Variants in COMMD1 observed in about 807,000 individuals in gnomAD.
The protein encoded by COMMD1 is copper metabolism domain containing 1.
In COMMD1, 10 loss-of-function variants were observed where a neutral mutation model predicts 17.2. That is an observed-to-expected ratio of 0.58 (90% CI 0.36 to 0.99). The LOEUF (loss-of-function observed/expected upper bound fraction) is 0.99. Among genes scored for constraint, COMMD1 ranks in the 50% least tolerant of loss-of-function variants. COMMD1 has a pLI of 0.01. For synonymous variants in COMMD1, 97 were observed against 91.6 expected, an observed-to-expected ratio of 1.06 and a Z score of -0.34; for missense variants, 270 against 231.8, an observed-to-expected ratio of 1.17 and a Z score of -1.07.
chr2:61,949,903 A>G (rs1201685657), intron 1 of COMMD1, among the ~76,000 whole-genome samples: 2 of 152,344 alleles, frequency 1.3e-5, no homozygotes, highest in Middle Eastern at 3.4e-3. Context: ...CTGCCTGCAG[A>G]CATAGACCCA....
intron 1 of COMMD1, among the ~76,000 whole-genome samples, chr2:61,949,410 CAAAG>C (rs1213602515): frequency 6.6e-6 from 1 of 152,110 alleles, no homozygotes; most frequent in Non-Finnish European, 1.5e-5. Context: ...TCCTTCCAAA[CAAAG>C]AAGCCTTAGA....
chr2:62,027,161 A>G (rs757556923), intron 2 of COMMD1, among the ~76,000 whole-genome samples: 4 of 152,154 alleles, frequency 2.6e-5, no homozygotes, highest in African/African-American at 7.2e-5. Context: ...ATAGTGTAGC[A>G]GTTTCTTTCT....
intron 1 of COMMD1, among the ~76,000 whole-genome samples, chr2:61,944,930 TG>T (rs1670868214): frequency 1.3e-5 from 2 of 152,172 alleles, no homozygotes; most frequent in African/African-American, 4.8e-5. Context: ...ACCACGTGCA[TG>T]GTTTTGTTTT....
At chr2:61,890,880 A>G (rs1249702510) in intron 1 of COMMD1, among the ~76,000 whole-genome samples, 2 of 152,048 alleles carry the variant, frequency 1.3e-5, no homozygotes, top group Non-Finnish European at 2.9e-5. Context: ...ATGAAGATCC[A>G]TAAACCTCTG....
In COMMD1 at chr2:62,025,298, G is replaced by A. The variant is rs1353424723; in HGVS notation, c.462+24316G>A. Reference sequence around the variant, plus strand: ...CCCAGTGCTTTGGGAGGTTGAGGCAGGAGGATCATGTTAGGCCAGGAGTTC... The same window carrying A: ...CCCAGTGCTTTGGGAGGTTGAGGCAAGAGGATCATGTTAGGCCAGGAGTTC... On this transcript the variant is annotated intron_variant, in intron 2 of 2. Transcript: ENST00000311832. Among the ~76,000 whole-genome samples, 4 of 151,846 alleles carry A rather than the reference G, an allele frequency of 2.6e-5. No homozygotes were observed. In the East Asian group the frequency reaches 7.7e-4, roughly 29 times the overall value.
Position 61,905,704 on chromosome 2 carries a change from G to A in COMMD1, c.26G>A (p.Gly9Asp), listed in dbSNP as rs1185248009. 6.3e-7 allele frequency: 1 copy of A among 1,587,330 alleles called. No individual in the cohort carries two copies. Among genetic ancestry groups the A allele is most frequent in the Non-Finnish European group, 8.6e-7 (1 of 1,165,416 alleles). The stretch of plus-strand genomic sequence containing the variant: ...ATGGCGGCGGGCGAGCTTGAGGGTG[G>A]CAAACCCCTGAGCGGGCTGCTGAAT... MAAGELEG[G>D]KPLSGLLNAL... is the part of the protein sequence containing the mutation. Residue 9 changes from glycine (G) to aspartate (D), a missense_variant, in exon 1 of 3, where the codon GGC becomes GAC. Gly to Asp is a moderately conservative substitution (Grantham distance 94). Transcript: ENST00000311832.
intron 2 of COMMD1, among the ~76,000 whole-genome samples, chr2:62,024,571 C>G (rs577369439): frequency 6.6e-6 from 1 of 152,040 alleles, no homozygotes; most frequent in African/African-American, 2.4e-5. Flanking sequence ...CTCCAAATAT[C>G]TTTTTTGGGG....
At chr2:61,912,217 A>C (rs894208207) in intron 1 of COMMD1, among the ~76,000 whole-genome samples, 17 of 152,112 alleles carry the variant, frequency 1.1e-4, no homozygotes, top group Non-Finnish European at 1.6e-4. Context: ...CCTTATACCT[A>C]ATATTGTGTC....
chr2:62,052,959 C>G lies in COMMD1; in HGVS notation c.462+51977C>G, dbSNP rs149173623. Among the ~76,000 whole-genome samples the G allele has an allele frequency of 8.5e-3, 1,289 of 152,256 alleles. 22 individuals carry two copies. Among genetic ancestry groups the G allele is most frequent in the African/African-American group, 0.029 (1,224 of 41,546 alleles). The stretch of plus-strand genomic sequence containing the variant: ...TGGCATGCACCTGTAGTCCCAGCTA[C>G]TCGGGAGGCTGAAGTGGGAAGATCA... On this transcript the variant is annotated intron_variant, in intron 2 of 2. Coordinates refer to ENST00000311832, the MANE Select transcript of COMMD1 (RefSeq NM_152516.4).
At chr2:62,089,290 T>C (rs1331750537) in intron 2 of COMMD1, among the ~76,000 whole-genome samples, 1 of 149,754 alleles carries the variant, frequency 6.7e-6, no homozygotes, top group Non-Finnish European at 1.5e-5. Flanking sequence ...CTTTTTTTTT[T>C]TTTTTTCTTT....
intron 1 of COMMD1, among the ~76,000 whole-genome samples, chr2:61,954,751 G>T (rs1403330947): frequency 2.0e-5 from 3 of 151,560 alleles, no homozygotes; most frequent in Non-Finnish European, 4.4e-5. Context: ...GCACGATCTT[G>T]GCTCATTGCA....
intron 2 of COMMD1, among the ~76,000 whole-genome samples, chr2:62,092,900 G>A (rs1054824524): frequency 6.6e-6 from 1 of 152,186 alleles, no homozygotes; most frequent in Non-Finnish European, 1.5e-5. Context: ...GCCAAGGGAG[G>A]TTAAAAGCCT....
At chr2:62,008,579 C>T (rs899428983) in intron 2 of COMMD1, among the ~76,000 whole-genome samples, 2 of 152,108 alleles carry the variant, frequency 1.3e-5, no homozygotes, top group Admixed American at 1.3e-4. Flanking sequence ...AGCTGTAATG[C>T]AAGCAATACA....
chr2:62,119,000 G>A (rs1165136440), intron 2 of COMMD1: 1 of 151,830 alleles, frequency 6.6e-6, no homozygotes, highest in African/African-American at 2.4e-5. Flanking sequence ...AAATTCATAT[G>A]TTGAAATTCC....
chr2:61,894,120 G>C (rs937041324), intron 1 of COMMD1, among the ~76,000 whole-genome samples: 6 of 152,134 alleles, frequency 3.9e-5, no homozygotes, highest in Non-Finnish European at 5.9e-5. Context: ...ATTTTTTTGA[G>C]ATGGAGTCTT....
chr2:61,955,312 TTCTCTCTC>T (rs70946770), intron 1 of COMMD1, among the ~76,000 whole-genome samples: 5 of 145,382 alleles, frequency 3.4e-5, no homozygotes, highest in East Asian at 2.1e-4. Context: ...CTCTCTCTCT[TTCTCTCTC>T]TCTCTCTCTC....
chr2:62,053,771 G>C (rs1458128750), intron 2 of COMMD1, among the ~76,000 whole-genome samples: 1 of 152,140 alleles, frequency 6.6e-6, no homozygotes, highest in Non-Finnish European at 1.5e-5. Context: ...GTTGGTATAG[G>C]TACATGGAGT....
chr2:61,944,324 C>CTGGGT, intron 1 of COMMD1, among the ~76,000 whole-genome samples: 2 of 152,004 alleles, frequency 1.3e-5, no homozygotes, highest in South Asian at 4.1e-4. Flanking sequence ...TGGTGGCACA[C>CTGGGT]ATCTGTAGTC....
At chr2:61,995,881 G>A (rs960772391) in intron 1 of COMMD1, among the ~76,000 whole-genome samples, 2 of 152,246 alleles carry the variant, frequency 1.3e-5, no homozygotes, top group Admixed American at 6.5e-5. Context: ...GACATACCTC[G>A]GAAATACCTT....
Sources: allele counts gnomAD v4.1 joint callset (sites outside exome capture counted in the v4.1 genomes callset), GRCh38; gene constraint gnomAD v4.1.1; transcripts MANE v1.5; gene names NCBI Gene and HGNC (gene_info 2026-07-23, HGNC 2026-07-21).